Variants in PPP2R5E observed in about 807,000 individuals in gnomAD.
PPP2R5E encodes the protein serine/threonine-protein phosphatase 2A 56 kDa regulatory subunit epsilon isoform.
PPP2R5E carries 4 observed loss-of-function variants against 65.3 expected under a neutral mutation model. That is an observed-to-expected ratio of 0.06 (90% confidence interval 0.03 to 0.14). The LOEUF (loss-of-function observed/expected upper bound fraction) is 0.14. PPP2R5E is among the 10% of genes least tolerant of loss of function. The pLI, the probability that PPP2R5E is intolerant of heterozygous loss-of-function variation, is 1.00. For missense variants in PPP2R5E, 274 were observed against 556.1 expected (o/e 0.49, Z 5.10); for synonymous variants, 183 against 187.4 (o/e 0.98, Z 0.19).
At chr14:63,425,012 T>C (rs1887255253) in intron 3 of PPP2R5E, among the ~76,000 whole-genome samples, 1 of 152,166 alleles carries the variant, frequency 6.6e-6, no homozygotes, top group African/African-American at 2.4e-5. Context: ...ATCCCTGATT[T>C]ACCATTGAGG....
At chr14:63,403,387 C>CAAA (rs35226807) in intron 5 of PPP2R5E, among the ~76,000 whole-genome samples, 15 of 79,220 alleles carry the variant, frequency 1.9e-4, no homozygotes, top group Middle Eastern at 8.3e-3. Flanking sequence ...GAGTCTGTCT[C>CAAA]AAAAAAAAAA....
chr14:63,410,589 G>A (rs1190794279), intron 5 of PPP2R5E, among the ~76,000 whole-genome samples: 1 of 152,154 alleles, frequency 6.6e-6, no homozygotes, highest in Non-Finnish European at 1.5e-5. Context: ...GATCTCAGGA[G>A]AACCAGTTAA....
At chr14:63,512,066 G>A (rs1054694103) in intron 2 of PPP2R5E, among the ~76,000 whole-genome samples, 12 of 126,262 alleles carry the variant, frequency 9.5e-5, no homozygotes, top group African/African-American at 3.2e-4. Context: ...ACGACAGAGC[G>A]AGACTCTGCG....
chr14:63,410,811 A>G (rs952415692), intron 5 of PPP2R5E, among the ~76,000 whole-genome samples: 2 of 152,176 alleles, frequency 1.3e-5, no homozygotes, highest in African/African-American at 4.8e-5. Flanking sequence ...CAAGCTCTCA[A>G]TGGTGGTGCT....
At chr14:63,539,984 G>A (rs575907324) in intron 1 of PPP2R5E, among the ~76,000 whole-genome samples, 7 of 151,918 alleles carry the variant, frequency 4.6e-5, no homozygotes, top group Admixed American at 4.6e-4. Flanking sequence ...AATTAGCCGG[G>A]CATGATGGCA....
intron 2 of PPP2R5E, among the ~76,000 whole-genome samples, chr14:63,489,159 T>G (rs1891160122): frequency 6.6e-6 from 1 of 151,986 alleles, no homozygotes; most frequent in East Asian, 1.9e-4. Context: ...TGCTTTGATT[T>G]AATTACTTTT....
intron 2 of PPP2R5E, among the ~76,000 whole-genome samples, chr14:63,458,300 C>T (rs1479746883): frequency 1.3e-5 from 2 of 152,230 alleles, no homozygotes; most frequent in Non-Finnish European, 2.9e-5. Flanking sequence ...GTAGCTCATT[C>T]TTCCCTACTA....
rs1555353678 is a variant in PPP2R5E at position 63,374,634 on chromosome 14, G to GATTATATATATATATATATATAT, written c.*1374_*1375insATATATATATATATATATATAAT. ...TAAATACAAAGCAGAGAGCCAATAAGATATATATATATATATATATATATA... is the reference window on the plus strand; with the variant it reads ...TAAATACAAAGCAGAGAGCCAATAAGATTATATATATATATATATATATATATATATATATATATATATATATA... On this transcript the variant is annotated 3_prime_UTR_variant, in exon 14 of 14. Transcript: ENST00000337537. 113 of 109,530 alleles carry GATTATATATATATATATATATAT rather than the reference G, an allele frequency of 1.0e-3. 3 individuals carry two copies. The highest frequency in any genetic ancestry group is 5.0e-3 in the African/African-American group (104 of 20,632). 6.8% of individuals were successfully genotyped at this position (109,530 alleles called of 1,614,324 possible).
intron 2 of PPP2R5E, among the ~76,000 whole-genome samples, chr14:63,536,921 T>C (rs1250352447): frequency 1.3e-5 from 2 of 152,096 alleles, no homozygotes; most frequent in East Asian, 3.8e-4. Context: ...TTGGGGAAGA[T>C]GAAAAGGTTC....
At position 63,424,636 on chromosome 14, in the gene PPP2R5E, A is replaced by G. The variant is rs1412881139; in HGVS notation, c.355-2542T>C. On this transcript the variant is annotated intron_variant, in intron 3 of 13. Coordinates refer to ENST00000337537, the MANE Select transcript of PPP2R5E (RefSeq NM_006246.5). ...TGTGGTGGCGGGCGCCTGTAGTCCC[A>G]GCTACTCGGGAGGCTGAGGCAGGAG... 2.6e-5 allele frequency among the ~76,000 whole-genome samples: 4 copies of G among 152,056 alleles called. No individual in the cohort carries two copies. The East Asian group carries it at 7.7e-4, about 29-fold the overall frequency.
At chr14:63,525,719 T>A (rs1209459980) in intron 2 of PPP2R5E, among the ~76,000 whole-genome samples, 1 of 152,180 alleles carries the variant, frequency 6.6e-6, no homozygotes, top group Non-Finnish European at 1.5e-5. Flanking sequence ...ATAAGAGCCA[T>A]CAACAAAGAG....
At chr14:63,451,537 G>A (rs1341969970) in intron 3 of PPP2R5E, 1 of 152,298 alleles carries the variant, frequency 6.6e-6, no homozygotes, top group Non-Finnish European at 1.5e-5. Flanking sequence ...AAAAAGATCA[G>A]TGGTTGCCAG....
chr14:63,386,327 A>C (rs1050423751), intron 11 of PPP2R5E, among the ~76,000 whole-genome samples: 4 of 152,252 alleles, frequency 2.6e-5, no homozygotes, highest in African/African-American at 9.6e-5. Context: ...CTCACAACCA[A>C]CAGAGTTGGT....
chr14:63,379,826 CTTTTTTTTTT>C (rs558475440), intron 13 of PPP2R5E, among the ~76,000 whole-genome samples: 2 of 100,298 alleles, frequency 2.0e-5, no homozygotes, highest in African/African-American at 5.2e-5. Context: ...TATTCTCTCT[CTTTTTTTTTT>C]TTTTTTTTTT....
At chr14:63,503,400 C>G (rs1891994517) in intron 2 of PPP2R5E, among the ~76,000 whole-genome samples, 1 of 152,118 alleles carries the variant, frequency 6.6e-6, no homozygotes, top group Non-Finnish European at 1.5e-5. Flanking sequence ...TATGACACTG[C>G]CAAAGCAATA....
intron 2 of PPP2R5E, among the ~76,000 whole-genome samples, chr14:63,480,588 G>A (rs1890648187): frequency 6.6e-6 from 1 of 152,160 alleles, no homozygotes; most frequent in African/African-American, 2.4e-5. Context: ...TGGGACTACA[G>A]GCACAAGCCA....
At chr14:63,539,007 T>C (rs1164901982) in intron 2 of PPP2R5E, among the ~76,000 whole-genome samples, 2 of 152,150 alleles carry the variant, frequency 1.3e-5, no homozygotes, top group Admixed American at 6.5e-5. Flanking sequence ...TACTTGTACA[T>C]AGAAAGGTAT....
chr14:63,483,229 G>A (rs1555364795), intron 2 of PPP2R5E, among the ~76,000 whole-genome samples: 2 of 152,092 alleles, frequency 1.3e-5, no homozygotes, highest in African/African-American at 2.4e-5. Context: ...GCAGAGCAAG[G>A]AAAGGAACAT....
At chr14:63,522,489 A>T (rs1892963966) in intron 2 of PPP2R5E, among the ~76,000 whole-genome samples, 1 of 145,628 alleles carries the variant, frequency 6.9e-6, no homozygotes, top group Non-Finnish European at 1.5e-5. Context: ...CATCCCATCT[A>T]GGAAGTGAGA....
Sources: gnomAD v4.1 joint callset for allele counts (sites outside exome capture counted in the v4.1 genomes callset) on GRCh38, gnomAD v4.1.1 for gene constraint, MANE v1.5 for transcripts, NCBI Gene and HGNC (gene_info 2026-07-23, HGNC 2026-07-21) for gene names.